The following CCNT2 variants were observed in gnomAD, a reference collection of about 807,000 sequenced individuals.
CCNT2 encodes the protein cyclin T2.
Under a neutral mutation model 70.0 loss-of-function variants are expected in CCNT2, and 18 were observed. The observed-to-expected ratio is 0.26, with a 90% confidence interval of 0.18 to 0.38. CCNT2 has a LOEUF of 0.38. Among genes scored for constraint, CCNT2 ranks in the 10% least tolerant of loss-of-function variants. CCNT2 has a pLI of 1.00. For synonymous variants in CCNT2, 334 were observed against 313.3 expected, an observed-to-expected ratio of 1.07 and a Z score of -0.70; for missense variants, 734 against 890.2, an observed-to-expected ratio of 0.82 and a Z score of 2.23.
chr2:134,947,233 C>T (rs922473339), intron 6 of CCNT2, among the ~76,000 whole-genome samples: 1 of 152,156 alleles, frequency 6.6e-6, no homozygotes, highest in East Asian at 1.9e-4. Flanking sequence ...TACATAGATA[C>T]GTGTTTAATT....
At chr2:134,934,586 C>T (rs1681015965) in intron 2 of CCNT2, among the ~76,000 whole-genome samples, 1 of 152,194 alleles carries the variant, frequency 6.6e-6, no homozygotes, top group South Asian at 2.1e-4. Context: ...TGGATACTCA[C>T]AAAATATTTA....
In CCNT2 at chr2:134,928,274, C is replaced by CTTTTTTTTTT. The variant is rs551173090; in HGVS notation, c.240+8393_240+8402dup. Among the ~76,000 whole-genome samples the CTTTTTTTTTT allele has an allele frequency of 6.6e-3, 633 of 96,368 alleles. 42 individuals carry two copies. The highest frequency in any genetic ancestry group is 0.023 in the African/African-American group (566 of 25,042). 63.2% of individuals were successfully genotyped at this position (96,368 alleles called of 152,430 possible). A position where few individuals can be genotyped will look rare whatever the true frequency, so the allele number is the denominator to read the frequency against. ...CCATGCCCGGCCTCACATTGTATTT[C>CTTTTTTTTTT]TTTTTTTTTTTTTTTTTTTCTGAGA... On this transcript the variant is annotated intron_variant, in intron 2 of 8. Transcript: ENST00000264157.
At position 134,955,470 on chromosome 2, in the gene CCNT2, T is replaced by C. The variant is rs1389438750; in HGVS notation, c.*822T>C. The C allele has an allele frequency of 6.6e-6, 1 of 152,668 alleles. No homozygotes were observed. Among genetic ancestry groups the C allele is most frequent in the Admixed American group, 6.5e-5 (1 of 15,288 alleles). The allele number at this position is 152,668 out of a possible 1,614,324, so 9.5% of individuals were successfully genotyped here. A position where few individuals can be genotyped will look rare whatever the true frequency, so the allele number is the denominator to read the frequency against. Reference sequence around the variant, plus strand: ...AAAAATAAAGTTTACATACTCTTGATGTGAAGTGCATTTAAATGTTTGTTG... The same window carrying C: ...AAAAATAAAGTTTACATACTCTTGACGTGAAGTGCATTTAAATGTTTGTTG... On this transcript the variant is annotated 3_prime_UTR_variant, in exon 9 of 9. Transcript: ENST00000264157.
intron 8 of CCNT2, chr2:134,952,959 A>C: frequency 2.1e-6 from 1 of 481,220 alleles, no homozygotes; most frequent in South Asian, 4.0e-5. Flanking sequence ...CAAATGGGGA[A>C]ACTGAAGCCT....
chr2:134,940,129 C>T (rs1681462054), intron 4 of CCNT2, among the ~76,000 whole-genome samples: 1 of 152,134 alleles, frequency 6.6e-6, no homozygotes, highest in African/African-American at 2.4e-5. Flanking sequence ...TTACTCCATT[C>T]CCAGATGTTG....
intron 7 of CCNT2, among the ~76,000 whole-genome samples, chr2:134,952,202 AT>A (rs1044322400): frequency 6.6e-6 from 1 of 151,910 alleles, no homozygotes; most frequent in African/African-American, 2.4e-5. Context: ...TAAAGTCACT[AT>A]TTTTTTTCTC....
intron 5 of CCNT2, chr2:134,944,599 G>A (rs1681812913): frequency 8.2e-6 from 8 of 977,940 alleles, no homozygotes; most frequent in Non-Finnish European, 9.7e-6. Context: ...CAAATATTTA[G>A]ACCAGATTAT....
chr2:134,929,094 A>T (rs1680522445), intron 2 of CCNT2, among the ~76,000 whole-genome samples: 1 of 150,210 alleles, frequency 6.7e-6, no homozygotes, highest in African/African-American at 2.5e-5. Context: ...ATTGCTTTTT[A>T]AAAAATAATA....
chr2:134,945,179 C>T, intron 5 of CCNT2: 2 of 985,296 alleles, frequency 2.0e-6, no homozygotes, highest in Non-Finnish European at 2.4e-6. Flanking sequence ...TGATGATCCA[C>T]ATGGGGCAGC....
chr2:134,929,653 C>T (rs1680589623), intron 2 of CCNT2, among the ~76,000 whole-genome samples: 2 of 122,636 alleles, frequency 1.6e-5, no homozygotes, highest in South Asian at 2.8e-4. Flanking sequence ...AAATAGATGC[C>T]TTTTTTTTTT....
chr2:134,940,242 C>T lies in CCNT2; in HGVS notation c.430+1180C>T, dbSNP rs190230271. Among the ~76,000 whole-genome samples the T allele has an allele frequency of 6.2e-4, 95 of 152,110 alleles. 1 individual carries two copies. The highest frequency in any genetic ancestry group is 8.2e-4 in the Non-Finnish European group (56 of 68,010). ...ATATGCAGTTGACCCTCAAACAGCA[C>T]GGGTTTGAACTCCATGGGTCTACAT... On this transcript the variant is annotated intron_variant, in intron 4 of 8. Transcript: ENST00000264157.
chr2:134,952,515 G>A, intron 7 of CCNT2, 126 bp from the exon 8 acceptor site: 1 of 551,956 alleles, frequency 1.8e-6, no homozygotes, highest in Non-Finnish European at 3.2e-6. Flanking sequence ...TGTATGCTGA[G>A]GATTTAATAG....
At chr2:134,944,769 T>G in intron 5 of CCNT2, 13 of 985,384 alleles carry the variant, frequency 1.3e-5, no homozygotes, top group Non-Finnish European at 1.6e-5. Flanking sequence ...TTTTCTTTGC[T>G]CTTTTACAAC....
At position 134,956,421 on chromosome 2, in the gene CCNT2, C is replaced by G. The variant is rs1239852280; in HGVS notation, c.*1773C>G. The G allele has an allele frequency of 6.6e-6, 1 of 152,424 alleles. No homozygotes were observed. Among genetic ancestry groups the G allele is most frequent in the Non-Finnish European group, 1.5e-5 (1 of 68,014 alleles). The allele number at this position is 152,424 out of a possible 1,614,324, so 9.4% of individuals were successfully genotyped here. A position where few individuals can be genotyped will look rare whatever the true frequency, so the allele number is the denominator to read the frequency against. On this transcript the variant is annotated 3_prime_UTR_variant, in exon 9 of 9. Coordinates refer to ENST00000264157, the MANE Select transcript of CCNT2 (RefSeq NM_058241.3). Reference sequence around the variant, plus strand: ...CATTTGTTCTGGTCTTGCATAACTTCAGTAATCTTTGTCATTATATGTAAC... The same window carrying G: ...CATTTGTTCTGGTCTTGCATAACTTGAGTAATCTTTGTCATTATATGTAAC...
rs1451281509 is a variant in CCNT2 at position 134,947,835 on chromosome 2, A to G, written c.639A>G (p.Val213=). Reference sequence around the variant, plus strand: ...AATGGTCCAATTGGGAGATCCCTGTATCAACTGATGGAAAGCATTGGTGGG... The same window carrying G: ...AATGGTCCAATTGGGAGATCCCTGTGTCAACTGATGGAAAGCATTGGTGGG... ...ACKWSNWEIP[V]STDGKHWWEY... Residue 213 remains valine, a synonymous_variant, in exon 7 of 9, where the codon GTA becomes GTG. Transcript: ENST00000264157. 3.8e-6 allele frequency: 6 copies of G among 1,558,716 alleles called. No homozygotes were observed. The highest frequency in any genetic ancestry group is 5.3e-6 in the Non-Finnish European group (6 of 1,140,062).
At chr2:134,937,179 G>A (rs1392169558) in intron 3 of CCNT2, among the ~76,000 whole-genome samples, 1 of 152,124 alleles carries the variant, frequency 6.6e-6, no homozygotes, top group Non-Finnish European at 1.5e-5. Context: ...ATTATAGAAG[G>A]CTTTGATTCC....
chr2:134,952,838 T>C (rs1467372938), intron 8 of CCNT2, 127 bp downstream of exon 8: 21 of 682,812 alleles, frequency 3.1e-5, no homozygotes, highest in Non-Finnish European at 5.3e-5. Flanking sequence ...GTATCTCAAG[T>C]TACATATACT....
intron 7 of CCNT2, among the ~76,000 whole-genome samples, chr2:134,951,922 C>G: frequency 6.6e-6 from 1 of 152,192 alleles, no homozygotes; most frequent in East Asian, 1.9e-4. Context: ...CAGTCTGTGA[C>G]AGTTCTCCAA....
At position 134,953,944 on chromosome 2, in the gene CCNT2, G is replaced by A; in HGVS notation, c.1489G>A (p.Asp497Asn). 6.2e-7 allele frequency: 1 copy of A among 1,613,838 alleles called. No individual in the cohort carries two copies. Among genetic ancestry groups the A allele is most frequent in the Non-Finnish European group, 8.5e-7 (1 of 1,179,888 alleles). The change falls in exon 9 of 9, where the codon GAC (aspartate) becomes AAC (asparagine). Residue 497 changes from aspartate (D) to asparagine (N), a missense_variant. Transcript: ENST00000264157. Reference sequence around the variant, plus strand: ...CGCAAATACTGAAAAATACATGGCAGACAAAAAGGAAAAGAGTGGGTCACT... The same window carrying A: ...CGCAAATACTGAAAAATACATGGCAAACAAAAAGGAAAAGAGTGGGTCACT... ...PIANTEKYMA[D>N]KKEKSGSLKL... is the part of the protein sequence containing the mutation.
Sources: gnomAD v4.1 joint callset for allele counts (sites outside exome capture counted in the v4.1 genomes callset) on GRCh38, gnomAD v4.1.1 for gene constraint, MANE v1.5 for transcripts, NCBI Gene and HGNC (gene_info 2026-07-23, HGNC 2026-07-21) for gene names.